Variants in INPP5B observed in about 807,000 individuals in gnomAD.
The protein encoded by INPP5B is inositol polyphosphate-5-phosphatase B, also known as type II inositol 1,4,5-trisphosphate 5-phosphatase.
INPP5B carries 90 observed loss-of-function variants against 118.5 expected under a neutral mutation model. That is an observed-to-expected ratio of 0.76 (90% CI 0.64 to 0.90). The LOEUF (loss-of-function observed/expected upper bound fraction) is 0.90. Ranked by LOEUF, INPP5B falls within the 40% of genes least tolerant of loss-of-function variation. The pLI is 0.00. For missense variants in INPP5B, 984 were observed against 1,125.6 expected, an observed-to-expected ratio of 0.87 and a Z score of 1.80; for synonymous variants, 385 against 418.9, an observed-to-expected ratio of 0.92 and a Z score of 0.99.
chr1:37,892,811 G>A (rs991514907), intron 7 of INPP5B, among the ~76,000 whole-genome samples: 9 of 152,150 alleles, frequency 5.9e-5, no homozygotes, highest in Non-Finnish European at 1.3e-4. Flanking sequence ...GCCTTTAGGT[G>A]TGAGGTGTTT....
chr1:37,882,863 T>C lies in INPP5B; in HGVS notation c.1375A>G (p.Lys459Glu). ...NYRIEELDVE[K>E]VKKLIEEKDF... ...TTCTCTTCGATGAGCTTTTTCACTTTTTCCACATCCAGCTCTTCTATCCTG... is the reference window on the plus strand; with the variant it reads ...TTCTCTTCGATGAGCTTTTTCACTTCTTCCACATCCAGCTCTTCTATCCTG... The change falls in exon 14 of 24, where the codon AAA becomes GAA. Residue 459 changes from lysine (K) to glutamate (E), a missense_variant. Lys to Glu is a moderately conservative substitution (Grantham distance 56, BLOSUM62 1). Coordinates refer to ENST00000373024, the MANE Select transcript of INPP5B (RefSeq NM_005540.3). The C allele has an allele frequency of 6.2e-7, 1 of 1,614,092 alleles. No homozygotes were observed. Among genetic ancestry groups the C allele is most frequent in the South Asian group, 1.1e-5 (1 of 91,074 alleles).
chr1:37,940,883 C>A (rs901438212), intron 5 of INPP5B, 85 bp from the exon 6 acceptor site: 27 of 893,076 alleles, frequency 3.0e-5, no homozygotes, highest in Non-Finnish European at 4.8e-5. Context: ...GGAGAATCAG[C>A]AACCCAGACT....
At position 37,907,824 on chromosome 1, in the gene INPP5B, T is replaced by A. The variant is rs1367333503; in HGVS notation, c.533-16370A>T. ...GGAGGCATGAATAATCTGTCAGGCCTCTGAGCCCAAGCTAAGCCATCATAT... is the reference window on the plus strand; with the variant it reads ...GGAGGCATGAATAATCTGTCAGGCCACTGAGCCCAAGCTAAGCCATCATAT... On this transcript the variant is annotated intron_variant, in intron 7 of 23. Transcript: ENST00000373024. This position sits in a 1 kb window ranked among gnomAD's most constrained non-coding sequence, Gnocchi z 4.3. Among the ~76,000 whole-genome samples the A allele has an allele frequency of 6.6e-6, 1 of 152,134 alleles. No individual in the cohort carries two copies. The highest frequency in any genetic ancestry group is 2.4e-5 in the African/African-American group (1 of 41,422).
At chr1:37,918,218 T>C (rs112917259) in intron 7 of INPP5B, among the ~76,000 whole-genome samples, 3,564 of 152,266 alleles carry the variant, frequency 0.023, 139 homozygotes, top group African/African-American at 0.082. Flanking sequence ...CACTTCTCCC[T>C]ACCCATTTAG....
chr1:37,895,883 C>T (rs1250183242), intron 7 of INPP5B, among the ~76,000 whole-genome samples: 1 of 152,234 alleles, frequency 6.6e-6, no homozygotes, highest in Middle Eastern at 3.2e-3. Flanking sequence ...CTCCCAGCAG[C>T]CTGCCTTGGC....
chr1:37,874,463 C>T (rs988192852), intron 17 of INPP5B, among the ~76,000 whole-genome samples: 2 of 152,282 alleles, frequency 1.3e-5, no homozygotes, highest in Non-Finnish European at 2.9e-5. Context: ...ACATGAAGAT[C>T]AAGCCCATCC....
At chr1:37,925,726 A>G (rs1474103976) in intron 7 of INPP5B, among the ~76,000 whole-genome samples, 4 of 152,208 alleles carry the variant, frequency 2.6e-5, no homozygotes, top group African/African-American at 4.8e-5. Context: ...CTTGCTCTCA[A>G]CAATAACTGC....
Position 37,943,851 on chromosome 1 carries a change from G to C in INPP5B, c.195C>G (p.Asp65Glu). 1.2e-6 allele frequency: 2 copies of C among 1,614,094 alleles called. No homozygotes were observed. Among genetic ancestry groups the C allele is most frequent in the Non-Finnish European group, 1.7e-6 (2 of 1,180,018 alleles). The change falls in exon 4 of 24, where the codon GAC becomes GAG. Residue 65 changes from aspartate to glutamate, a missense_variant. Around this residue, in one of 2 missense-constraint regions of INPP5B, gnomAD observed 350 missense variants for 334.6 expected, o/e 1.05. Transcript: ENST00000373024. ...YTHRRMAITG[D>E]DVSLDQIVPV... The stretch of plus-strand genomic sequence containing the variant: ...GCACTATCTGGTCCAGAGAGACATC[G>C]TCCCCGGTAATGGCCATCCTCCGGT...
chr1:37,879,032 G>C (rs142240034), intron 15 of INPP5B, among the ~76,000 whole-genome samples: 1 of 150,944 alleles, frequency 6.6e-6, no homozygotes, highest in Non-Finnish European at 1.5e-5. Context: ...CCAAGGCAGG[G>C]GGATCATGAG....
intron 7 of INPP5B, among the ~76,000 whole-genome samples, chr1:37,910,337 C>G (rs1271991471): frequency 6.6e-6 from 1 of 152,190 alleles, no homozygotes; most frequent in Non-Finnish European, 1.5e-5. Context: ...CTCCCCAACT[C>G]TGGTGCCAAC....
chr1:37,877,801 C>T (rs566965658), intron 16 of INPP5B, among the ~76,000 whole-genome samples: 4 of 152,236 alleles, frequency 2.6e-5, no homozygotes, highest in African/African-American at 9.6e-5. Context: ...CCTTCACTGT[C>T]CTGGAAAGAT....
chr1:37,912,850 A>G (rs899976166), intron 7 of INPP5B, among the ~76,000 whole-genome samples: 8 of 148,602 alleles, frequency 5.4e-5, no homozygotes, highest in African/African-American at 2.0e-4. Flanking sequence ...AATCTCACTC[A>G]CTCTCTCCTA....
chr1:37,891,909 T>A (rs998554067), intron 7 of INPP5B, among the ~76,000 whole-genome samples: 17 of 152,356 alleles, frequency 1.1e-4, no homozygotes, highest in African/African-American at 3.6e-4. Context: ...TATGCTGATG[T>A]CTGGGTGAAG....
chr1:37,864,285 G>C (rs1466964596), intron 23 of INPP5B, 27 bp downstream of exon 23: 1 of 1,302,118 alleles, frequency 7.7e-7, no homozygotes. Context: ...TTGCAGAAAT[G>C]CTTTCCATAG....
chr1:37,917,574 T>C (rs1417457604), intron 7 of INPP5B, among the ~76,000 whole-genome samples: 1 of 151,704 alleles, frequency 6.6e-6, no homozygotes, highest in Non-Finnish European at 1.5e-5. Flanking sequence ...TCAGCCTGCC[T>C]AGGCCTCCCA....
chr1:37,939,738 C>T (rs979819252), intron 6 of INPP5B, among the ~76,000 whole-genome samples: 3 of 151,386 alleles, frequency 2.0e-5, no homozygotes, highest in South Asian at 2.1e-4. Flanking sequence ...CCACCGCGCC[C>T]GGCCTGTTAT....
intron 6 of INPP5B, among the ~76,000 whole-genome samples, chr1:37,935,580 C>G (rs1645655489): frequency 6.6e-6 from 1 of 152,018 alleles, no homozygotes; most frequent in Admixed American, 6.6e-5. Flanking sequence ...AGTTTGACCT[C>G]TCTATTTTTC....
intron 7 of INPP5B, among the ~76,000 whole-genome samples, chr1:37,910,104 G>A (rs1475492166): frequency 2.0e-5 from 3 of 152,126 alleles, no homozygotes; most frequent in African/African-American, 2.4e-5. Flanking sequence ...TTCCCAGATC[G>A]TCTCAGCTTA....
At chr1:37,880,271 A>T in intron 14 of INPP5B, 77 bp from the exon 15 acceptor site, 1 of 1,081,474 alleles carries the variant, frequency 9.2e-7, no homozygotes, top group Non-Finnish European at 1.4e-6. Context: ...AAAGCATATC[A>T]ATCTGGAATT....
Sources: allele counts gnomAD v4.1 joint callset (sites outside exome capture counted in the v4.1 genomes callset), GRCh38; gene constraint gnomAD v4.1.1; regional missense constraint gnomAD v4.1.1; non-coding constraint Gnocchi (gnomAD v3.1); transcripts MANE v1.5; gene names NCBI Gene and HGNC (gene_info 2026-07-23, HGNC 2026-07-21).